DNAH8: variants seen among roughly 807,000 people sequenced by gnomAD.
The protein encoded by DNAH8 is axonemal beta dynein heavy chain 8.
In DNAH8, 382 loss-of-function variants were observed where a neutral mutation model predicts 562.1. That is an observed-to-expected ratio of 0.68 (90% CI 0.63 to 0.74). DNAH8 has a LOEUF of 0.74. Among genes scored for constraint, DNAH8 ranks in the 30% least tolerant of loss-of-function variants. The pLI, the probability that DNAH8 is intolerant of heterozygous loss-of-function variation, is 0.00. For missense variants in DNAH8, 5,203 were observed against 5,620.4 expected (o/e 0.93, Z 2.37); for synonymous variants, 1,881 against 1,919.4 (o/e 0.98, Z 0.52).
intron 28 of DNAH8, 76 bp from the exon 29 acceptor site, chr6:38,826,080 C>A: frequency 2.1e-6 from 2 of 960,972 alleles, no homozygotes; most frequent in Non-Finnish European, 3.1e-6. Context: ...CTGAATTGGA[C>A]AGAGCAATTA....
intron 64 of DNAH8, among the ~76,000 whole-genome samples, chr6:38,908,639 A>G (rs1380053031): frequency 6.6e-6 from 1 of 152,032 alleles, no homozygotes; most frequent in Non-Finnish European, 1.5e-5. Context: ...TGCAGCATCA[A>G]CCTCCCAGGC....
chr6:38,839,275 C>T (rs901741701), intron 33 of DNAH8, among the ~76,000 whole-genome samples: 1 of 151,926 alleles, frequency 6.6e-6, no homozygotes, highest in Admixed American at 6.6e-5. Flanking sequence ...ACCATCTGGA[C>T]CAACAGACCA....
chr6:38,720,150 G>C (rs1346720155), intron 1 of DNAH8, among the ~76,000 whole-genome samples: 1 of 152,178 alleles, frequency 6.6e-6, no homozygotes, highest in African/African-American at 2.4e-5. Flanking sequence ...AAGTGAGATT[G>C]AAGTGGACAA....
rs183083140 is a variant in DNAH8, at chr6:38,929,389, A to G, written c.11119-122A>G. The G allele has an allele frequency of 1.3e-3, 1,357 of 1,008,328 alleles. 1 individual carries two copies. The highest frequency in any genetic ancestry group is 1.3e-3 in the Non-Finnish European group (911 of 720,572). The allele number at this position is 1,008,328 out of a possible 1,614,324, so 62.5% of individuals were successfully genotyped here. A position where few individuals can be genotyped will look rare whatever the true frequency, so the allele number is the denominator to read the frequency against. ...TTTGTATGTTACTTTAATTTTTTTA[A>G]GTAAGTCTTCTTCTATTGCCCTTAA... On this transcript the variant is annotated intron_variant, in intron 74 of 92. Coordinates refer to ENST00000327475, the MANE Select transcript of DNAH8 (RefSeq NM_001206927.2).
At chr6:38,823,359 G>A (rs1773044263) in intron 27 of DNAH8, among the ~76,000 whole-genome samples, 1 of 152,166 alleles carries the variant, frequency 6.6e-6, no homozygotes, top group African/African-American at 2.4e-5. Context: ...AGAGACGCAA[G>A]GGAACTTTAG....
intron 89 of DNAH8, among the ~76,000 whole-genome samples, chr6:39,011,867 C>G (rs1024756734): frequency 1.3e-5 from 2 of 152,150 alleles, no homozygotes; most frequent in Non-Finnish European, 2.9e-5. Context: ...CCACTGTACC[C>G]CTATGAAGGT....
At chr6:38,901,269 CATAG>C (rs1227802665) in intron 62 of DNAH8, among the ~76,000 whole-genome samples, 8 of 152,178 alleles carry the variant, frequency 5.3e-5, no homozygotes, top group Admixed American at 5.2e-4. Context: ...CCTAAGGGCA[CATAG>C]ATATTTTCCT....
At chr6:38,730,040 G>C (rs1280591423) in intron 4 of DNAH8, 54 bp downstream of exon 4, 6 of 814,586 alleles carry the variant, frequency 7.4e-6, no homozygotes, top group Non-Finnish European at 1.2e-5. Context: ...ACGTTAAAGT[G>C]CAGCATATTT....
intron 24 of DNAH8, among the ~76,000 whole-genome samples, chr6:38,809,300 A>T (rs901357905): frequency 6.6e-6 from 1 of 151,966 alleles, no homozygotes; most frequent in Non-Finnish European, 1.5e-5. Context: ...AGTTTTAGTG[A>T]TTTGTGATCT....
chr6:38,855,079 A>G (rs1776084223), intron 41 of DNAH8, among the ~76,000 whole-genome samples: 1 of 150,734 alleles, frequency 6.6e-6, no homozygotes, highest in Non-Finnish European at 1.5e-5. Context: ...ATACATGTAT[A>G]CACATATATT....
At chr6:38,801,499 G>C (rs542444000) in intron 21 of DNAH8, among the ~76,000 whole-genome samples, 2 of 152,300 alleles carry the variant, frequency 1.3e-5, no homozygotes, top group Admixed American at 6.5e-5. Flanking sequence ...TGGTTCCTGA[G>C]GGGATTTCAA....
At chr6:38,741,957 A>C (rs987903822) in intron 8 of DNAH8, 70 bp downstream of exon 8, 18 of 1,324,770 alleles carry the variant, frequency 1.4e-5, no homozygotes, top group Non-Finnish European at 1.6e-5. Flanking sequence ...CTATTGAACT[A>C]CTTCTTAGTA....
In DNAH8 at chr6:38,734,577, T is replaced by A; in HGVS notation, c.714T>A (p.Phe238Leu). ...AACTAAAAGGACTGTGCATATTTTT[T>A]GTTCGTTGCCGTAATGATGTTGCTA... ...PDKLKGLCIF[F>L]VRCRNDVAIN... is the part of the protein sequence containing the mutation. Residue 238 changes from phenylalanine (F) to leucine (L), a missense_variant, in exon 5 of 93, where the codon TTT becomes TTA. Phe to Leu is a conservative substitution (Grantham distance 22, BLOSUM62 0). Coordinates refer to ENST00000327475, the MANE Select transcript of DNAH8 (RefSeq NM_001206927.2). 6.2e-7 allele frequency: 1 copy of A among 1,613,814 alleles called. No homozygotes were observed. Among genetic ancestry groups the A allele is most frequent in the Non-Finnish European group, 8.5e-7 (1 of 1,179,990 alleles).
At chr6:38,740,728 G>A (rs546147043) in intron 7 of DNAH8, among the ~76,000 whole-genome samples, 196 of 151,826 alleles carry the variant, frequency 1.3e-3, no homozygotes, top group African/African-American at 4.2e-3. Flanking sequence ...GATCCTCCCC[G>A]CTCAGCCTCC....
At chr6:38,723,610 C>T in intron 3 of DNAH8, 139 bp downstream of exon 3, 4 of 1,120,292 alleles carry the variant, frequency 3.6e-6, no homozygotes, top group Non-Finnish European at 3.8e-6. Flanking sequence ...CACAGTGGCT[C>T]ATGCCTGTAA....
At chr6:39,017,670 A>G (rs1431123325) in intron 91 of DNAH8, among the ~76,000 whole-genome samples, 1 of 152,196 alleles carries the variant, frequency 6.6e-6, no homozygotes, top group Non-Finnish European at 1.5e-5. Context: ...TTGACAAGCC[A>G]TGCCAGTCAG....
At position 38,863,979 on chromosome 6, in the gene DNAH8, AAAAG is replaced by A. The variant is rs770247702; in HGVS notation, c.6429_6432del (p.Lys2143AsnfsTer13). ...AAATTTATATTGTTTTGACAGCAAG[AAAAG>A]AAAGAAAGAAACAGTTCATTTTTTC... is the stretch of plus-strand genomic sequence containing the variant. On this transcript the variant is annotated frameshift_variant, in exon 45 of 93. Coordinates refer to ENST00000327475, the MANE Select transcript of DNAH8 (RefSeq NM_001206927.2). LOFTEE classifies it high-confidence loss of function. 4.3e-6 allele frequency: 7 copies of A among 1,612,056 alleles called. No individual in the cohort carries two copies. Among genetic ancestry groups the A allele is most frequent in the East Asian group, 2.2e-5 (1 of 44,834 alleles).
chr6:38,734,454 T>C lies in DNAH8; in HGVS notation c.611-20T>C. ...ATTAGTTGTGTGATTATACGCTAAG[T>C]TCTTGACTTTTGTTTTCAGAATGTG... On this transcript the variant is annotated intron_variant, in intron 4 of 92. Coordinates refer to ENST00000327475, the MANE Select transcript of DNAH8 (RefSeq NM_001206927.2). The C allele has an allele frequency of 6.2e-7, 1 of 1,612,790 alleles. No homozygotes were observed. The highest frequency in any genetic ancestry group is 8.5e-7 in the Non-Finnish European group (1 of 1,179,616).
At chr6:38,764,959 T>G (rs778706935) in intron 11 of DNAH8, among the ~76,000 whole-genome samples, 6 of 152,230 alleles carry the variant, frequency 3.9e-5, no homozygotes, top group Non-Finnish European at 7.4e-5. Context: ...TTCAGCCTCC[T>G]GAGTAGCTGG....
Sources: gnomAD v4.1 joint callset for allele counts (sites outside exome capture counted in the v4.1 genomes callset) on GRCh38, gnomAD v4.1.1 for gene constraint, MANE v1.5 for transcripts, NCBI Gene and HGNC (gene_info 2026-07-23, HGNC 2026-07-21) for gene names.